Variants in P3H2 observed in about 807,000 individuals in gnomAD.
The protein encoded by P3H2 is leprecan-like 1.
In P3H2, 80 loss-of-function variants were observed where a neutral mutation model predicts 87.0. The observed-to-expected ratio is 0.92, with a 90% CI of 0.77 to 1.11. The LOEUF (loss-of-function observed/expected upper bound fraction) is 1.11. Ranked by LOEUF, P3H2 falls within the 50% of genes least tolerant of loss-of-function variation. The pLI, the probability that P3H2 is intolerant of heterozygous loss-of-function variation, is 0.00. For missense variants in P3H2, 1,001 were observed against 923.9 expected (o/e 1.08, Z -1.08); for synonymous variants, 367 against 359.3 (o/e 1.02, Z -0.24).
In P3H2 at chr3:190,120,499, C is replaced by T. The variant is rs1712518584; in HGVS notation, c.233G>A (p.Arg78Gln). ...EAALRSHRRL[R>Q]EIRTRCARHC... ...GCGGGCACAGCGCGTGCGGATTTCCCGCAGGCGCCGGTGGCTGCGCAGCGC... is the reference window on the plus strand; with the variant it reads ...GCGGGCACAGCGCGTGCGGATTTCCTGCAGGCGCCGGTGGCTGCGCAGCGC... Residue 78 changes from arginine to glutamine, a missense_variant, in exon 1 of 15, where the codon CGG becomes CAG. Physicochemically the swap from Arg to Gln is conservative, Grantham distance 43 (BLOSUM62 1). Transcript: ENST00000319332. The T allele has an allele frequency of 6.8e-7, 1 of 1,463,204 alleles. No individual in the cohort carries two copies. The highest frequency in any genetic ancestry group is 1.3e-5 in the South Asian group (1 of 74,794). 90.6% of individuals were successfully genotyped at this position (1,463,204 alleles called of 1,614,324 possible).
Position 190,075,230 on chromosome 3 carries a change from A to T in P3H2, c.480+45022T>A, listed in dbSNP as rs554826242. Among the ~76,000 whole-genome samples, 11 of 152,380 alleles carry T rather than the reference A, an allele frequency of 7.2e-5. No homozygotes were observed. The South Asian group carries it at 2.1e-3, about 29-fold the overall frequency. On this transcript the variant is annotated intron_variant, in intron 1 of 14. Transcript: ENST00000319332. ...GCTGGGCACAGTGGCTCATGCCAGG[A>T]ATCCCAGCACTTTGGGAGGCCAAGG...
chr3:190,001,378 G>A (rs1327611844), intron 1 of P3H2, among the ~76,000 whole-genome samples: 1 of 152,126 alleles, frequency 6.6e-6, no homozygotes, highest in Non-Finnish European at 1.5e-5. Context: ...AACATCAAGC[G>A]TAAAATAAGT....
chr3:190,052,418 G>C (rs1726011683), intron 1 of P3H2, among the ~76,000 whole-genome samples: 1 of 152,126 alleles, frequency 6.6e-6, no homozygotes, highest in Non-Finnish European at 1.5e-5. Flanking sequence ...AAAGGACATA[G>C]ACACTTCTTT....
chr3:190,096,060 T>G (rs1727576204), intron 1 of P3H2, among the ~76,000 whole-genome samples: 1 of 152,150 alleles, frequency 6.6e-6, no homozygotes, highest in South Asian at 2.1e-4. Context: ...TTTAACTGAT[T>G]AGGGAATGAA....
chr3:189,986,695 G>C (rs1436341338), intron 6 of P3H2, 93 bp downstream of exon 6: 4 of 900,116 alleles, frequency 4.4e-6, no homozygotes, highest in Non-Finnish European at 7.4e-6. Flanking sequence ...TTAGCTTTTT[G>C]AGGTAAATGG....
At chr3:190,075,404 G>A in intron 1 of P3H2, among the ~76,000 whole-genome samples, 1 of 151,310 alleles carries the variant, frequency 6.6e-6, no homozygotes, top group Admixed American at 6.6e-5. Flanking sequence ...AGAACCACTT[G>A]AACCTGGGAG....
intron 6 of P3H2, among the ~76,000 whole-genome samples, chr3:189,985,591 CAT>C (rs1723669224): frequency 6.7e-6 from 1 of 149,254 alleles, no homozygotes; most frequent in Non-Finnish European, 1.5e-5. Context: ...TCTTAGTAAT[CAT>C]ATATAATTAT....
intron 1 of P3H2, among the ~76,000 whole-genome samples, chr3:190,084,987 G>A (rs1174103471): frequency 6.6e-6 from 1 of 151,866 alleles, no homozygotes; most frequent in Non-Finnish European, 1.5e-5. Context: ...TAACTATAAA[G>A]CTTTCAGATA....
intron 1 of P3H2, among the ~76,000 whole-genome samples, chr3:190,027,366 A>G (rs549602352): frequency 1.3e-5 from 2 of 152,300 alleles, no homozygotes; most frequent in East Asian, 3.9e-4. Context: ...AGGGTTTCAC[A>G]GCCAGCGAAT....
At chr3:190,042,595 T>C (rs1298160524) in intron 1 of P3H2, among the ~76,000 whole-genome samples, 1 of 152,248 alleles carries the variant, frequency 6.6e-6, no homozygotes, top group Non-Finnish European at 1.5e-5. Flanking sequence ...AAAATTAATG[T>C]AGAATCTTCC....
intron 1 of P3H2, among the ~76,000 whole-genome samples, chr3:190,071,979 T>G (rs147170029): frequency 3.1e-3 from 170 of 54,124 alleles, no homozygotes; most frequent in African/African-American, 8.1e-3. Flanking sequence ...AGATGAAGGG[T>G]TTTTTTTTTT....
At chr3:190,112,402 T>G (rs1056568425) in intron 1 of P3H2, among the ~76,000 whole-genome samples, 2 of 152,160 alleles carry the variant, frequency 1.3e-5, no homozygotes, top group Admixed American at 6.5e-5. Flanking sequence ...ACAACACACA[T>G]GAGGGTAAGT....
At chr3:190,023,046 T>TA (rs1724980239) in intron 1 of P3H2, among the ~76,000 whole-genome samples, 1 of 152,054 alleles carries the variant, frequency 6.6e-6, no homozygotes, top group East Asian at 1.9e-4. Flanking sequence ...CAGGATGGTC[T>TA]CGATCTCCTG....
intron 3 of P3H2, among the ~76,000 whole-genome samples, chr3:189,991,638 T>C (rs1264131607): frequency 2.0e-5 from 3 of 152,176 alleles, no homozygotes; most frequent in African/African-American, 4.8e-5. Context: ...AACAACACTT[T>C]GAAGATCTGT....
At chr3:190,069,112 T>C (rs1726612389) in intron 1 of P3H2, among the ~76,000 whole-genome samples, 1 of 152,146 alleles carries the variant, frequency 6.6e-6, no homozygotes, top group Non-Finnish European at 1.5e-5. Context: ...TCTGTGCCTT[T>C]CACATGGTAA....
chr3:190,030,783 C>T (rs1725227773), intron 1 of P3H2, among the ~76,000 whole-genome samples: 1 of 151,924 alleles, frequency 6.6e-6, no homozygotes, highest in Admixed American at 6.6e-5. Context: ...AACAAATTAG[C>T]CCCCAAAGAG....
In P3H2 at chr3:189,963,975, G is replaced by T; in HGVS notation, c.2017C>A (p.Pro673Thr). Residue 673 changes from proline to threonine, a missense_variant, in exon 14 of 15, where the codon CCA (proline) becomes ACA (threonine). Coordinates refer to ENST00000319332, the MANE Select transcript of P3H2 (RefSeq NM_018192.4). Reference protein sequence around the residue: ...CAVALWFTLDPLYRELERIQA... With the variant: ...CAVALWFTLDTLYRELERIQA... ...AAACTCACCAATTCTCTATAAAGTGGGTCCAAGGTGAACCACAGAGCCACA... is the reference window on the plus strand; with the variant it reads ...AAACTCACCAATTCTCTATAAAGTGTGTCCAAGGTGAACCACAGAGCCACA... 6.2e-7 allele frequency: 1 copy of T among 1,614,140 alleles called. No individual in the cohort carries two copies. Among genetic ancestry groups the T allele is most frequent in the Non-Finnish European group, 8.5e-7 (1 of 1,180,020 alleles).
Position 189,995,369 on chromosome 3 carries a change from T to C in P3H2, c.554A>G (p.Gln185Arg). 6.2e-7 allele frequency: 1 copy of C among 1,614,096 alleles called. No homozygotes were observed. The highest frequency in any genetic ancestry group is 1.1e-5 in the South Asian group (1 of 91,078). ...CGCCCTGTAATTCTCAATGTTCTGCTGCATTTCCATGTGCTCAGGGTTAGC... is the reference window on the plus strand; with the variant it reads ...CGCCCTGTAATTCTCAATGTTCTGCCGCATTTCCATGTGCTCAGGGTTAGC... ...FVANPEHMEM[Q>R]QNIENYRATA... Residue 185 changes from glutamine to arginine, a missense_variant, in exon 2 of 15, where the codon CAG becomes CGG. Coordinates refer to ENST00000319332, the MANE Select transcript of P3H2 (RefSeq NM_018192.4).
chr3:189,991,958 G>A (rs558730831), intron 3 of P3H2, among the ~76,000 whole-genome samples: 74 of 152,280 alleles, frequency 4.9e-4, no homozygotes, highest in African/African-American at 1.7e-3. Flanking sequence ...GAGGGAGTTA[G>A]GAAGTGTTCA....
Sources: allele counts gnomAD v4.1 joint callset (sites outside exome capture counted in the v4.1 genomes callset), GRCh38; gene constraint gnomAD v4.1.1; transcripts MANE v1.5; gene names NCBI Gene and HGNC (gene_info 2026-07-23, HGNC 2026-07-21).